The following SHLD3 variants were observed in gnomAD, a reference collection of about 807,000 sequenced individuals.
The protein encoded by SHLD3 is shieldin complex subunit 3, also known as REV7-interacting novel NHEJ regulator 1.
In SHLD3, 15 loss-of-function variants were observed where a neutral mutation model predicts 21.4. The observed-to-expected ratio is 0.70, with a 90% CI of 0.47 to 1.08. SHLD3 has a LOEUF of 1.08. SHLD3 is among the 50% of genes least tolerant of loss of function. SHLD3 has a pLI of 0.00. For missense variants in SHLD3, 273 were observed against 286.1 expected (o/e 0.95, Z 0.33); for synonymous variants, 103 against 97.2 (o/e 1.06, Z -0.35).
Position 65,627,376 on chromosome 5 carries a change from T to G in SHLD3, c.-120-2092T>G, listed in dbSNP as rs138733513. Among the ~76,000 whole-genome samples the G allele has an allele frequency of 7.2e-3, 1,103 of 152,158 alleles. 10 individuals carry two copies. Among genetic ancestry groups the G allele is most frequent in the Middle Eastern group, 0.024 (7 of 292 alleles). On this transcript the variant is annotated intron_variant, in intron 1 of 1. Coordinates refer to ENST00000510585, the MANE Select transcript of SHLD3 (RefSeq NM_001365341.2). ...AATATGTAAAATGTTAAAGATAATA[T>G]CTTGTTATTCTTGGTTGGGTGAGGT... is the stretch of plus-strand genomic sequence containing the variant.
At position 65,630,237 on chromosome 5, in the gene SHLD3, T is replaced by C; in HGVS notation, c.650T>C (p.Ile217Thr). 2.6e-6 allele frequency: 4 copies of C among 1,535,818 alleles called. No homozygotes were observed. Among genetic ancestry groups the C allele is most frequent in the South Asian group, 1.2e-5 (1 of 84,054 alleles). The change falls in exon 2 of 2, where the codon ATT becomes ACT. Residue 217 changes from isoleucine to threonine, a missense_variant. Ile to Thr is a moderately conservative substitution (Grantham distance 89, BLOSUM62 -1). Coordinates refer to ENST00000510585, the MANE Select transcript of SHLD3 (RefSeq NM_001365341.2). ...GGCCAAATATGGGTGTTCTGTGATA[T>C]TATGTATTGTGAATATGTGGGAAGT... ...HLGQIWVFCD[I>T]MYCEYVGSLL... is the part of the protein sequence containing the mutation.
At position 65,629,968 on chromosome 5, in the gene SHLD3, C is replaced by T. The variant is rs78814996; in HGVS notation, c.381C>T (p.His127=). 156 of 1,535,990 alleles carry T rather than the reference C, an allele frequency of 1.0e-4. No homozygotes were observed. In the African/African-American group the frequency reaches 2.0e-3, roughly 20 times the overall value. The change falls in exon 2 of 2, where the codon CAC becomes CAT. Residue 127 remains histidine (H), a synonymous_variant. Coordinates refer to ENST00000510585, the MANE Select transcript of SHLD3 (RefSeq NM_001365341.2). ...LGKQSEKGKQ[H]KRRSWSISLP... ...AACAATCAGAAAAGGGAAAACAGCA[C>T]AAGAGGAGATCTTGGAGTATTTCCC...
rs1755497698 is a variant in SHLD3 at position 65,630,542 on chromosome 5, A to T, written c.*202A>T. 8.0e-7 allele frequency: 1 copy of T among 1,253,540 alleles called. No individual in the cohort carries two copies. The allele number at this position is 1,253,540 out of a possible 1,614,324, so 77.7% of individuals were successfully genotyped here. A position where few individuals can be genotyped will look rare whatever the true frequency, so the allele number is the denominator to read the frequency against. ...TAAATTATTGTTTACACTGAATTTG[A>T]AGGTAAAAATGTTCTGTTCCTTTTG... is the stretch of plus-strand genomic sequence containing the variant. On this transcript the variant is annotated 3_prime_UTR_variant, in exon 2 of 2. Transcript: ENST00000510585.
chr5:65,626,889 A>G (rs1028971718), intron 1 of SHLD3, among the ~76,000 whole-genome samples: 1 of 152,068 alleles, frequency 6.6e-6, no homozygotes, highest in Non-Finnish European at 1.5e-5. Flanking sequence ...CACGCCTGTA[A>G]TAGCACTTTG....
At chr5:65,625,158 C>G (rs1208543068) in intron 1 of SHLD3, 52 bp downstream of exon 1, 25 of 1,469,698 alleles carry the variant, frequency 1.7e-5, no homozygotes, top group Non-Finnish European at 2.3e-5. Flanking sequence ...GCATTCCCTA[C>G]TTATCGAAGC....
chr5:65,629,773 A>G lies in SHLD3; in HGVS notation c.186A>G (p.Glu62=). ...AAAGATCACCACCTGTGATTTCTGA[A>G]GAGGCAGCTGAAGATGTGAAACAGT... is the stretch of plus-strand genomic sequence containing the variant. ...RPKRSPPVIS[E]EAAEDVKQYL... is the part of the protein sequence containing the mutation. The change falls in exon 2 of 2, where the codon GAA becomes GAG. Residue 62 remains glutamate (E), a synonymous_variant. Transcript: ENST00000510585. 1 of 1,536,120 alleles carries G rather than the reference A, an allele frequency of 6.5e-7. No individual in the cohort carries two copies. Among genetic ancestry groups the G allele is most frequent in the Non-Finnish European group, 8.7e-7 (1 of 1,146,892 alleles).
At position 65,630,215 on chromosome 5, in the gene SHLD3, C is replaced by G; in HGVS notation, c.628C>G (p.Gln210Glu). ...CNATIQRHLG[Q>E]IWVFCDIMYC... Reference sequence around the variant, plus strand: ...TGCTACAATTCAGAGGCATTTAGGCCAAATATGGGTGTTCTGTGATATTAT... The same window carrying G: ...TGCTACAATTCAGAGGCATTTAGGCGAAATATGGGTGTTCTGTGATATTAT... Residue 210 changes from glutamine (Q) to glutamate (E), a missense_variant, in exon 2 of 2, where the codon CAA becomes GAA. Gln to Glu is a conservative substitution (Grantham distance 29). Coordinates refer to ENST00000510585, the MANE Select transcript of SHLD3 (RefSeq NM_001365341.2). 6.5e-7 allele frequency: 1 copy of G among 1,535,842 alleles called. No individual in the cohort carries two copies. Among genetic ancestry groups the G allele is most frequent in the South Asian group, 1.2e-5 (1 of 84,052 alleles).
Position 65,627,131 on chromosome 5 carries a change from C to CAAAAAAAAAAAAAAAAAAAAA in SHLD3, c.-121+2031_-121+2051dup, listed in dbSNP as rs60169195. 3.7e-4 allele frequency among the ~76,000 whole-genome samples: 12 copies of CAAAAAAAAAAAAAAAAAAAAA among 32,580 alleles called. 1 individual carries two copies. The highest frequency in any genetic ancestry group is 0.015 in the Middle Eastern group (1 of 68). 21.4% of individuals were successfully genotyped at this position (32,580 alleles called of 152,430 possible). On this transcript the variant is annotated intron_variant, in intron 1 of 1. Coordinates refer to ENST00000510585, the MANE Select transcript of SHLD3 (RefSeq NM_001365341.2). ...TGGGTGACAGAGTGAGACCCTGTCT[C>CAAAAAAAAAAAAAAAAAAAAA]AAAAAAAAAAAAAAAAAAAAAAAAA...
At chr5:65,628,409 C>T (rs575113543) in intron 1 of SHLD3, among the ~76,000 whole-genome samples, 8 of 151,640 alleles carry the variant, frequency 5.3e-5, no homozygotes, top group South Asian at 2.1e-4. Flanking sequence ...CAGAGAATGA[C>T]GTGAAATCAT....
At position 65,630,663 on chromosome 5, in the gene SHLD3, C is replaced by T. The variant is rs1755507420; in HGVS notation, c.*323C>T. 1 of 1,008,902 alleles carries T rather than the reference C, an allele frequency of 9.9e-7. No individual in the cohort carries two copies. Among genetic ancestry groups the T allele is most frequent in the Non-Finnish European group, 1.2e-6 (1 of 844,216 alleles). The allele number at this position is 1,008,902 out of a possible 1,614,324, so 62.5% of individuals were successfully genotyped here. ...AATTTTACTGTATTTTTTTCCTTAC[C>T]TCAAGTGTAATTTTTTAAAAAATAA... is the stretch of plus-strand genomic sequence containing the variant. On this transcript the variant is annotated 3_prime_UTR_variant, in exon 2 of 2. Coordinates refer to ENST00000510585, the MANE Select transcript of SHLD3 (RefSeq NM_001365341.2).
chr5:65,627,502 C>T (rs911897135), intron 1 of SHLD3, among the ~76,000 whole-genome samples: 1 of 152,006 alleles, frequency 6.6e-6, no homozygotes, highest in African/African-American at 2.4e-5. Flanking sequence ...TGATGGTGTG[C>T]ACCAGTGGTC....
chr5:65,628,189 C>A (rs764822524), intron 1 of SHLD3, among the ~76,000 whole-genome samples: 1 of 152,108 alleles, frequency 6.6e-6, no homozygotes, highest in Non-Finnish European at 1.5e-5. Flanking sequence ...TTTGGGGCAA[C>A]TTGAGGACTT....
chr5:65,626,652 C>T (rs1330228975), intron 1 of SHLD3, among the ~76,000 whole-genome samples: 1 of 151,626 alleles, frequency 6.6e-6, no homozygotes, highest in African/African-American at 2.4e-5. Context: ...AGGAGAATGG[C>T]GTGAACCCGG....
At chr5:65,625,351 A>G in intron 1 of SHLD3, 1 of 425,206 alleles carries the variant, frequency 2.4e-6, no homozygotes, top group South Asian at 5.1e-5. Context: ...CAGTCACGAG[A>G]TTTTAGCCGC....
intron 1 of SHLD3, among the ~76,000 whole-genome samples, chr5:65,628,414 AATC>A (rs1755348003): frequency 6.6e-6 from 1 of 152,190 alleles, no homozygotes; most frequent in African/African-American, 2.4e-5. Context: ...AATGACGTGA[AATC>A]ATCAAATATT....
At chr5:65,625,705 C>A (rs1357582628) in intron 1 of SHLD3, among the ~76,000 whole-genome samples, 2 of 152,058 alleles carry the variant, frequency 1.3e-5, no homozygotes, top group South Asian at 2.1e-4. Flanking sequence ...TAGGAAAAAA[C>A]AGCAGCACTT....
At chr5:65,626,821 C>T (rs559059777) in intron 1 of SHLD3, among the ~76,000 whole-genome samples, 1 of 150,588 alleles carries the variant, frequency 6.6e-6, no homozygotes, top group African/African-American at 2.4e-5. Context: ...CTTTTTTTTC[C>T]AAAACCAAGG....
chr5:65,629,502 T>A lies in SHLD3; in HGVS notation c.-86T>A. ...CCCTCTGATTTGGCAAGAGAGACAA[T>A]CTTGCAATAATAAATTAACATTCTA... On this transcript the variant is annotated 5_prime_UTR_variant, in exon 2 of 2. Transcript: ENST00000510585. 1 of 1,438,582 alleles carries A rather than the reference T, an allele frequency of 7.0e-7. No homozygotes were observed. 89.1% of individuals were successfully genotyped at this position (1,438,582 alleles called of 1,614,324 possible).
chr5:65,627,982 T>C (rs1036326029), intron 1 of SHLD3, among the ~76,000 whole-genome samples: 21 of 152,204 alleles, frequency 1.4e-4, no homozygotes, highest in African/African-American at 4.6e-4. Flanking sequence ...GGGAGAACCC[T>C]CATCAAGTAA....
Sources: gnomAD v4.1 joint callset for allele counts (sites outside exome capture counted in the v4.1 genomes callset) on GRCh38, gnomAD v4.1.1 for gene constraint, MANE v1.5 for transcripts, NCBI Gene and HGNC (gene_info 2026-07-23, HGNC 2026-07-21) for gene names.